Variants in HNRNPA3 observed in about 807,000 individuals in gnomAD.
HNRNPA3 encodes epididymis secretory sperm binding protein.
HNRNPA3 carries 3 observed loss-of-function variants against 45.8 expected under a neutral mutation model. The observed-to-expected ratio is 0.07, with a 90% CI of 0.03 to 0.17. The LOEUF is 0.17. HNRNPA3 is among the 10% of genes least tolerant of loss of function. The probability of loss-of-function intolerance (pLI) is 1.00; values close to 1 mark genes in which losing one functional copy is unlikely to be tolerated. For missense variants in HNRNPA3, 183 were observed against 480.3 expected (o/e 0.38, Z 5.79); for synonymous variants, 170 against 155.6 (o/e 1.09, Z -0.69).
chr2:177,217,974 G>A lies in HNRNPA3; in HGVS notation c.961+129G>A, dbSNP rs1463264111. 3.1e-6 allele frequency: 3 copies of A among 962,996 alleles called. No homozygotes were observed. In the Admixed American group the frequency reaches 1.0e-4, roughly 33 times the overall value. The allele number at this position is 962,996 out of a possible 1,614,324, so 59.7% of individuals were successfully genotyped here. A position where few individuals can be genotyped will look rare whatever the true frequency, so the allele number is the denominator to read the frequency against. On this transcript the variant is annotated intron_variant, in intron 8 of 10. Coordinates refer to ENST00000392524, the Ensembl canonical transcript of HNRNPA3. ...GTTCTATAAGAAAAATACTAAAATG[G>A]TTGGTAGTTCAAACCAAATTTTCTT...
At chr2:177,212,962 G>C (rs1017867059) in intron 1 of HNRNPA3, 91 bp downstream of exon 1, 16 of 824,004 alleles carry the variant, frequency 1.9e-5, no homozygotes, top group Non-Finnish European at 2.8e-5. Context: ...GACCGGGTCG[G>C]CCGTCCCGCG....
chr2:177,219,831 G>C (rs1372368828), exon 11 of HNRNPA3: 1 of 152,694 alleles, frequency 6.5e-6, no homozygotes, highest in East Asian at 1.9e-4. Context: ...TTAACAAAAT[G>C]CAGTTTCGAA....
chr2:177,217,616 G>C (rs981974905), intron 7 of HNRNPA3, 89 bp from the exon 8 acceptor site: 3 of 1,520,110 alleles, frequency 2.0e-6, no homozygotes, highest in Non-Finnish European at 2.7e-6. Context: ...AACAGAGCAA[G>C]ACCCAGTCTC....
downstream of HNRNPA3, chr2:177,222,560 C>G (rs1689228592): frequency 6.6e-6 from 1 of 152,364 alleles, no homozygotes; most frequent in African/African-American, 2.4e-5. Flanking sequence ...GTAATCCCAG[C>G]ACTTTGGGAG....
At chr2:177,214,147 AGTCTT>A (rs891264462) in intron 1 of HNRNPA3, among the ~76,000 whole-genome samples, 3 of 152,254 alleles carry the variant, frequency 2.0e-5, no homozygotes, top group Admixed American at 2.0e-4. Flanking sequence ...TGTGTTAAAA[AGTCTT>A]GACTAAAGTA....
At chr2:177,214,955 A>G (rs1259628618) in intron 1 of HNRNPA3, among the ~76,000 whole-genome samples, 1 of 152,236 alleles carries the variant, frequency 6.6e-6, no homozygotes, top group Non-Finnish European at 1.5e-5. Flanking sequence ...TGTAGCTTTT[A>G]AAAAATGAAG....
exon 11 of HNRNPA3, chr2:177,219,848 T>C (rs1689113247): frequency 6.5e-6 from 1 of 152,742 alleles, no homozygotes; most frequent in Non-Finnish European, 1.5e-5. Context: ...CGAAGGTGTT[T>C]CCTTGTGAGT....
chr2:177,215,483 T>C, intron 1 of HNRNPA3, 56 bp from the exon 2 acceptor site: 1 of 1,552,542 alleles, frequency 6.4e-7, no homozygotes, highest in African/African-American at 1.4e-5. Context: ...AGGCTCTTCG[T>C]GCATCTTAAT....
chr2:177,213,275 C>T (rs1037658893), intron 1 of HNRNPA3, among the ~76,000 whole-genome samples: 13 of 152,198 alleles, frequency 8.5e-5, no homozygotes, highest in East Asian at 1.9e-4. Flanking sequence ...TGACATTGAT[C>T]CGCCGCCGCG....
exon 7 of HNRNPA3, chr2:177,216,907 G>A (rs779650735): frequency 5.7e-6 from 9 of 1,586,930 alleles, no homozygotes; most frequent in Non-Finnish European, 7.7e-6. Context: ...TTATGGAGGA[G>A]GTGATGGTGG....
chr2:177,215,103 G>GT (rs1398250437), intron 1 of HNRNPA3, among the ~76,000 whole-genome samples: 23 of 151,492 alleles, frequency 1.5e-4, no homozygotes, highest in Admixed American at 1.5e-3. Context: ...CAAAGTTTTT[G>GT]TTGTTTTGTT....
At chr2:177,216,401 A>G (rs1688938019) in intron 4 of HNRNPA3, 102 bp from the exon 5 acceptor site, 3 of 841,116 alleles carry the variant, frequency 3.6e-6, no homozygotes. Flanking sequence ...TCACTACCTG[A>G]TTATGTCTTA....
chr2:177,219,963 TC>T (rs1475369241), exon 11 of HNRNPA3: 1 of 152,616 alleles, frequency 6.6e-6, no homozygotes, highest in Non-Finnish European at 1.5e-5. Flanking sequence ...GAATCTATTC[TC>T]CCCATTTCCA....
intron 1 of HNRNPA3, among the ~76,000 whole-genome samples, chr2:177,214,466 C>T (rs375448397): frequency 6.6e-6 from 1 of 152,070 alleles, no homozygotes; most frequent in Non-Finnish European, 1.5e-5. Context: ...GTTTGACATT[C>T]AGAACTTTTA....
At chr2:177,216,883 G>T in exon 7 of HNRNPA3, 1 of 1,606,482 alleles carries the variant, frequency 6.2e-7, no homozygotes, top group Non-Finnish European at 8.5e-7. Context: ...TGGAGGTGGT[G>T]GCAGCAGAGG....
At chr2:177,219,082 G>C (rs1232417667) in exon 9 of HNRNPA3, 1 of 1,614,112 alleles carries the variant, frequency 6.2e-7, no homozygotes, top group Non-Finnish European at 8.5e-7. Context: ...GGAAATTATA[G>C]TGGACAACAG....
chr2:177,215,739 T>C lies in HNRNPA3; in HGVS notation c.196-11T>C, dbSNP rs199554081. On this transcript the variant is annotated splice_polypyrimidine_tract_variant and intron_variant, in intron 2 of 10. Coordinates refer to ENST00000392524, the Ensembl canonical transcript of HNRNPA3. Reference sequence around the variant, plus strand: ...GGTGTTTTCAACGTTATAAAACTTTTTATTTTGTAGGTAATGAGAGACCCC... The same window carrying C: ...GGTGTTTTCAACGTTATAAAACTTTCTATTTTGTAGGTAATGAGAGACCCC... 2.5e-6 allele frequency: 4 copies of C among 1,610,748 alleles called. No individual in the cohort carries two copies. The highest frequency in any genetic ancestry group is 3.4e-6 in the Non-Finnish European group (4 of 1,179,024).
chr2:177,213,960 A>G (rs2105424781), intron 1 of HNRNPA3, among the ~76,000 whole-genome samples: 1 of 152,352 alleles, frequency 6.6e-6, no homozygotes, highest in South Asian at 2.1e-4. Context: ...ACATGAATTA[A>G]TGCTTTAGGC....
At chr2:177,217,605 C>T (rs1381254643) in intron 7 of HNRNPA3, 100 bp from the exon 8 acceptor site, 35 of 1,452,414 alleles carry the variant, frequency 2.4e-5, no homozygotes, top group Non-Finnish European at 3.3e-5. Flanking sequence ...TGAGCCCGGG[C>T]AACAGAGCAA....
Sources: gnomAD v4.1 joint callset for allele counts (sites outside exome capture counted in the v4.1 genomes callset) on GRCh38, gnomAD v4.1.1 for gene constraint, MANE v1.5 for transcripts, NCBI Gene and HGNC (gene_info 2026-07-23, HGNC 2026-07-21) for gene names.